Variants in TTBK2 observed in about 807,000 individuals in gnomAD.
The protein encoded by TTBK2 is tau-tubulin kinase 2.
TTBK2 carries 28 observed loss-of-function variants against 110.8 expected under a neutral mutation model. The observed-to-expected ratio is 0.25, with a 90% CI of 0.19 to 0.35. The LOEUF (loss-of-function observed/expected upper bound fraction) is 0.35, where lower values mean the gene tolerates loss of function less well. TTBK2 is among the 10% of genes least tolerant of loss of function. The probability of loss-of-function intolerance (pLI) is 1.00; values close to 1 mark genes in which losing one functional copy is unlikely to be tolerated. For missense variants in TTBK2, 1,369 were observed against 1,500.3 expected, an observed-to-expected ratio of 0.91 and a Z score of 1.45; for synonymous variants, 532 against 527.3, an observed-to-expected ratio of 1.01 and a Z score of -0.12.
chr15:42,906,905 C>G (rs912068831), intron 1 of TTBK2, among the ~76,000 whole-genome samples: 2 of 151,642 alleles, frequency 1.3e-5, no homozygotes, highest in African/African-American at 4.8e-5. Context: ...GACATTCGGG[C>G]CAAGAGCAGT....
At chr15:42,777,596 T>C (rs1889989285) in intron 11 of TTBK2, among the ~76,000 whole-genome samples, 1 of 152,198 alleles carries the variant, frequency 6.6e-6, no homozygotes. Context: ...ATGTTCCCTA[T>C]GAGACATAAG....
intron 3 of TTBK2, among the ~76,000 whole-genome samples, chr15:42,862,701 C>A (rs1894207263): frequency 6.6e-6 from 1 of 152,002 alleles, no homozygotes; most frequent in Non-Finnish European, 1.5e-5. Context: ...TCAGCCTGAC[C>A]AACATGAAGA....
Position 42,755,826 on chromosome 15 carries a change from C to T in TTBK2, c.1999-2579G>A, listed in dbSNP as rs375342230. Among the ~76,000 whole-genome samples, 19 of 152,138 alleles carry T rather than the reference C, an allele frequency of 1.2e-4. No individual in the cohort carries two copies. The East Asian group carries it at 3.1e-3, about 25-fold the overall frequency. On this transcript the variant is annotated intron_variant, in intron 13 of 14. Transcript: ENST00000267890. ...AAATTTACTTCTTAGTAAATGCACC[C>T]AAAAGTGACCATGATAAGAAAAGCA...
chr15:42,815,933 TATATATATATATATTTAAA>T (rs1891944893), intron 7 of TTBK2, among the ~76,000 whole-genome samples: 3 of 33,826 alleles, frequency 8.9e-5, no homozygotes, highest in Admixed American at 5.1e-4. Context: ...TATTTAAAAA[TATATATATATATATTTAAA>T]AAAAAAATAT....
intron 11 of TTBK2, among the ~76,000 whole-genome samples, chr15:42,777,633 C>T (rs976111102): frequency 6.6e-6 from 1 of 152,140 alleles, no homozygotes; most frequent in African/African-American, 2.4e-5. Flanking sequence ...GAGAGGCTGC[C>T]AAGCCTGAGT....
chr15:42,760,945 T>A (rs969979772), intron 13 of TTBK2, among the ~76,000 whole-genome samples: 2 of 152,202 alleles, frequency 1.3e-5, no homozygotes, highest in African/African-American at 4.8e-5. Context: ...ACTACAAAGC[T>A]ATAGTAACCA....
At chr15:42,818,788 TTTTG>T (rs1314680317) in intron 6 of TTBK2, among the ~76,000 whole-genome samples, 17 of 150,196 alleles carry the variant, frequency 1.1e-4, no homozygotes, top group Middle Eastern at 3.5e-3. Context: ...CCTGTATTAC[TTTTG>T]TTTGTTTGTT....
Position 42,746,220 on chromosome 15 carries a change from C to A in TTBK2, c.3310G>T (p.Asp1104Tyr). Residue 1104 changes from aspartate (D) to tyrosine (Y), a missense_variant, in exon 15 of 15, where the codon GAC (aspartate) becomes TAC (tyrosine). This residue lies in a region of TTBK2 where 1,097 missense variants were observed against 1,114.7 expected (regional missense o/e 0.98). Transcript: ENST00000267890. Reference protein sequence around the residue: ...RYKVLGSSNSDSDLFSRLAQI... With the variant: ...RYKVLGSSNSYSDLFSRLAQI... ...GCCAGGCGGGAGAAAAGGTCTGAGT[C>A]GGAGTTACTACTCCCTAGGACTTTA... 1 of 1,613,902 alleles carries A rather than the reference C, an allele frequency of 6.2e-7. No individual in the cohort carries two copies. The highest frequency in any genetic ancestry group is 1.1e-5 in the South Asian group (1 of 91,004).
intron 3 of TTBK2, among the ~76,000 whole-genome samples, chr15:42,846,074 T>G (rs1248627623): frequency 6.6e-6 from 1 of 151,760 alleles, no homozygotes; most frequent in Non-Finnish European, 1.5e-5. Context: ...CCTAATACAA[T>G]GTAAATGCTA....
intron 1 of TTBK2, among the ~76,000 whole-genome samples, chr15:42,885,203 G>A (rs1006816977): frequency 2.0e-5 from 3 of 152,168 alleles, no homozygotes; most frequent in African/African-American, 7.2e-5. Flanking sequence ...CCAAAGACCT[G>A]GGTCAGCAGG....
In TTBK2 at chr15:42,752,328, G is replaced by A. The variant is rs1454893512; in HGVS notation, c.2918C>T (p.Ala973Val). Residue 973 changes from alanine to valine, a missense_variant, in exon 14 of 15, where the codon GCC (alanine) becomes GTC (valine). This residue lies in a region of TTBK2 where 1,097 missense variants were observed against 1,114.7 expected (regional missense o/e 0.98). Coordinates refer to ENST00000267890, the MANE Select transcript of TTBK2 (RefSeq NM_173500.4). Reference protein sequence around the residue: ...SAKEKLLQKKAYQPDLVKLLV... With the variant: ...SAKEKLLQKKVYQPDLVKLLV... ...AAGCTTGACTAGGTCTGGCTGATAG[G>A]CTTTCTTTTGGAGGAGCTTTTCTTT... 1.9e-6 allele frequency: 3 copies of A among 1,614,094 alleles called. No homozygotes were observed. Among genetic ancestry groups the A allele is most frequent in the African/African-American group, 2.7e-5 (2 of 74,932 alleles).
At chr15:42,909,143 A>G (rs1319544367) in intron 1 of TTBK2, among the ~76,000 whole-genome samples, 1 of 152,158 alleles carries the variant, frequency 6.6e-6, no homozygotes, top group Admixed American at 6.5e-5. Context: ...TTTGTTTTTT[A>G]AGAGACAGGG....
chr15:42,852,885 T>C (rs569852286), intron 3 of TTBK2, among the ~76,000 whole-genome samples: 205 of 152,350 alleles, frequency 1.3e-3, no homozygotes, highest in African/African-American at 4.8e-3. Context: ...GTAGATTATA[T>C]GTTTACATAA....
chr15:42,823,091 G>GA (rs1236794772), intron 6 of TTBK2, among the ~76,000 whole-genome samples: 1 of 152,084 alleles, frequency 6.6e-6, no homozygotes, highest in Non-Finnish European at 1.5e-5. Context: ...TACTAACAGA[G>GA]AAAAAAGACT....
intron 11 of TTBK2, among the ~76,000 whole-genome samples, chr15:42,780,148 A>C (rs1890118201): frequency 6.7e-6 from 1 of 149,672 alleles, no homozygotes. Context: ...CAGCCTCCCA[A>C]GTACCTGGGA....
At chr15:42,867,394 T>C (rs1430459706) in intron 3 of TTBK2, among the ~76,000 whole-genome samples, 5 of 151,750 alleles carry the variant, frequency 3.3e-5, no homozygotes, top group Non-Finnish European at 7.4e-5. Flanking sequence ...AAATTAAACA[T>C]AGAAAATCAA....
intron 9 of TTBK2, among the ~76,000 whole-genome samples, chr15:42,800,663 A>C (rs1891143755): frequency 6.6e-6 from 1 of 152,208 alleles, no homozygotes; most frequent in Admixed American, 6.5e-5. Context: ...ATTTAGAGCA[A>C]AAGAAATTGC....
Position 42,741,483 on chromosome 15 carries a change from T to C in TTBK2, c.*4312A>G, listed in dbSNP as rs922507627. 6.6e-6 allele frequency: 1 copy of C among 152,202 alleles called. No homozygotes were observed. The allele number at this position is 152,202 out of a possible 1,614,324, so 9.4% of individuals were successfully genotyped here. Reference sequence around the variant, plus strand: ...AACCCCAAGTTACACAGCGCAACAGTACTTGTCAACCACTCCATCTCCTCA... The same window carrying C: ...AACCCCAAGTTACACAGCGCAACAGCACTTGTCAACCACTCCATCTCCTCA... On this transcript the variant is annotated 3_prime_UTR_variant, in exon 15 of 15. Coordinates refer to ENST00000267890, the MANE Select transcript of TTBK2 (RefSeq NM_173500.4).
intron 3 of TTBK2, among the ~76,000 whole-genome samples, chr15:42,843,780 AAAG>A (rs1336377396): frequency 3.1e-4 from 47 of 151,438 alleles, no homozygotes; most frequent in African/African-American, 1.0e-3. Flanking sequence ...AAAAAAAAAA[AAAG>A]ATTTGTAACT....
Sources: allele counts gnomAD v4.1 joint callset (sites outside exome capture counted in the v4.1 genomes callset), GRCh38; gene constraint gnomAD v4.1.1; regional missense constraint gnomAD v4.1.1; transcripts MANE v1.5; gene names NCBI Gene and HGNC (gene_info 2026-07-23, HGNC 2026-07-21).